Variants in SLC26A7 observed in about 807,000 individuals in gnomAD.
SLC26A7 encodes solute carrier family 26 member 7.
A neutral mutation model predicts 82.5 loss-of-function variants in SLC26A7; 59 were observed. That is an observed-to-expected ratio of 0.72 (90% CI 0.58 to 0.89). The LOEUF (loss-of-function observed/expected upper bound fraction) is 0.89. Ranked by LOEUF, SLC26A7 falls within the 40% of genes least tolerant of loss-of-function variation. The probability of loss-of-function intolerance (pLI) is 0.00; values close to 1 mark genes in which losing one functional copy is unlikely to be tolerated. For missense variants in SLC26A7, 820 were observed against 793.0 expected (o/e 1.03, Z -0.41); for synonymous variants, 271 against 274.3 (o/e 0.99, Z 0.12).
At chr8:91,218,650 G>A (rs1469117956) in intron 1 of SLC26A7, among the ~76,000 whole-genome samples, 1 of 152,144 alleles carries the variant, frequency 6.6e-6, no homozygotes, top group Non-Finnish European at 1.5e-5. Flanking sequence ...ATAATGATAT[G>A]TTTGAATAAA....
chr8:91,236,894 A>G (rs917982746), intron 2 of SLC26A7, among the ~76,000 whole-genome samples: 1 of 152,188 alleles, frequency 6.6e-6, no homozygotes. Flanking sequence ...TTATCACCAC[A>G]CTAATGTCTA....
At chr8:91,388,147 T>A (rs2130903214) in intron 15 of SLC26A7, among the ~76,000 whole-genome samples, 1 of 152,374 alleles carries the variant, frequency 6.6e-6, no homozygotes, top group Admixed American at 6.5e-5. Flanking sequence ...TTGTTTTTTT[T>A]AGAGACGGAG....
At chr8:91,252,068 A>G (rs984219698) in intron 2 of SLC26A7, among the ~76,000 whole-genome samples, 6 of 152,168 alleles carry the variant, frequency 3.9e-5, no homozygotes. Flanking sequence ...TCTAAGGAAA[A>G]TTAGAAGAAA....
intron 2 of SLC26A7, among the ~76,000 whole-genome samples, chr8:91,281,630 G>A (rs1811576426): frequency 6.6e-6 from 1 of 152,150 alleles, no homozygotes; most frequent in African/African-American, 2.4e-5. Flanking sequence ...ATTCTTATAG[G>A]ATGTGAAAGT....
intron 6 of SLC26A7, 127 bp from the exon 7 acceptor site, chr8:91,338,023 G>A: frequency 2.0e-6 from 1 of 503,676 alleles, no homozygotes; most frequent in Non-Finnish European, 3.3e-6. Context: ...GAAAGTCTGT[G>A]CAACTGCTAG....
In SLC26A7 at chr8:91,322,163, G is replaced by A. The variant is rs111889550; in HGVS notation, c.642+3783G>A. Among the ~76,000 whole-genome samples, 225 of 152,176 alleles carry A rather than the reference G, an allele frequency of 1.5e-3. 2 individuals are homozygous for A. The highest frequency in any genetic ancestry group is 5.3e-3 in the African/African-American group (222 of 41,542). Reference sequence around the variant, plus strand: ...ACTTATGTGTATTTTAATGACTTTAGAATGGCTTGAAAATTTATAAAACCT... The same window carrying A: ...ACTTATGTGTATTTTAATGACTTTAAAATGGCTTGAAAATTTATAAAACCT... On this transcript the variant is annotated intron_variant, in intron 5 of 18. Coordinates refer to ENST00000276609, the MANE Select transcript of SLC26A7 (RefSeq NM_052832.4).
At position 91,294,340 on chromosome 8, in the gene SLC26A7, T is replaced by A. The variant is rs187332030; in HGVS notation, c.305-1191T>A. 2.5e-3 allele frequency among the ~76,000 whole-genome samples: 387 copies of A among 152,308 alleles called. 1 individual carries two copies. Among genetic ancestry groups the A allele is most frequent in the African/African-American group, 8.9e-3 (370 of 41,568 alleles). On this transcript the variant is annotated intron_variant, in intron 3 of 18. Transcript: ENST00000276609. ...GACAAAAACATTGAGGTGACAGTTC[T>A]GGGATTTTAGGCCAGGTTTTTTGGA... is the stretch of plus-strand genomic sequence containing the variant.
rs528096965 is a variant in SLC26A7 at position 91,396,107 on chromosome 8, C to T, written c.*1010C>T. ...AGAGCTTGATGTGATTATCTTCAAA[C>T]CCACCAAACCAACAGGATAATTGAC... On this transcript the variant is annotated 3_prime_UTR_variant, in exon 19 of 19. Coordinates refer to ENST00000276609, the MANE Select transcript of SLC26A7 (RefSeq NM_052832.4). The T allele has an allele frequency of 6.6e-6, 1 of 151,942 alleles. No individual in the cohort carries two copies. Among genetic ancestry groups the T allele is most frequent in the South Asian group, 2.1e-4 (1 of 4,806 alleles). The allele number at this position is 151,942 out of a possible 1,614,324, so 9.4% of individuals were successfully genotyped here.
intron 11 of SLC26A7, among the ~76,000 whole-genome samples, chr8:91,360,121 A>G (rs756005919): frequency 1.3e-5 from 2 of 152,210 alleles, no homozygotes; most frequent in Non-Finnish European, 2.9e-5. Context: ...ACAGCTGAAC[A>G]TTGGATACAG....
rs754402742 is a variant in SLC26A7, at chr8:91,318,201, C to T, written c.478-15C>T. ...TTCATCTGAAGTTCATCTCACTTCT[C>T]CCTTCTCCTCTTAGGTGGCCATGTT... On this transcript the variant is annotated splice_polypyrimidine_tract_variant and intron_variant, in intron 4 of 18. Transcript: ENST00000276609. 5 of 1,583,584 alleles carry T rather than the reference C, an allele frequency of 3.2e-6. No homozygotes were observed. In the South Asian group the frequency reaches 3.4e-5, roughly 11 times the overall value.
intron 4 of SLC26A7, among the ~76,000 whole-genome samples, chr8:91,296,079 G>C (rs1278213247): frequency 6.6e-6 from 1 of 152,160 alleles, no homozygotes; most frequent in Non-Finnish European, 1.5e-5. Context: ...GGAAGGAGAT[G>C]TGACCAGATC....
intron 4 of SLC26A7, among the ~76,000 whole-genome samples, chr8:91,303,776 G>A (rs1348490588): frequency 6.6e-6 from 1 of 151,864 alleles, no homozygotes; most frequent in East Asian, 1.9e-4. Context: ...GAGTATAGAA[G>A]GGACACAAGA....
At chr8:91,269,822 A>G (rs1018995805) in intron 2 of SLC26A7, among the ~76,000 whole-genome samples, 2 of 151,674 alleles carry the variant, frequency 1.3e-5, no homozygotes, top group East Asian at 1.9e-4. Flanking sequence ...CATATGTTCT[A>G]TGTTTGAGCT....
chr8:91,396,458 G>T lies in SLC26A7; in HGVS notation c.*1361G>T, dbSNP rs1252555561. 2 of 151,974 alleles carry T rather than the reference G, an allele frequency of 1.3e-5. No homozygotes were observed. The highest frequency in any genetic ancestry group is 2.9e-5 in the Non-Finnish European group (2 of 67,884). The allele number at this position is 151,974 out of a possible 1,614,324, so 9.4% of individuals were successfully genotyped here. ...TCTATAAAAGTAAATTCTAGTGCCT[G>T]CCAAGTGATGGATTATAATGGTCTC... is the stretch of plus-strand genomic sequence containing the variant. On this transcript the variant is annotated 3_prime_UTR_variant, in exon 19 of 19. Coordinates refer to ENST00000276609, the MANE Select transcript of SLC26A7 (RefSeq NM_052832.4).
Position 91,325,416 on chromosome 8 carries a change from C to T in SLC26A7, c.642+7036C>T, listed in dbSNP as rs141284457. Among the ~76,000 whole-genome samples the T allele has an allele frequency of 4.6e-3, 697 of 152,272 alleles. 7 individuals carry two copies. The highest frequency in any genetic ancestry group is 0.016 in the African/African-American group (668 of 41,550). On this transcript the variant is annotated intron_variant, in intron 5 of 18. Transcript: ENST00000276609. The stretch of plus-strand genomic sequence containing the variant: ...TGATAGGGAAAATATGAAAATTCCT[C>T]TCCCTTCAGGAACGGAGGGTGAAGG...
chr8:91,365,765 C>T (rs1401243215), intron 13 of SLC26A7, among the ~76,000 whole-genome samples: 1 of 152,184 alleles, frequency 6.6e-6, no homozygotes, highest in Non-Finnish European at 1.5e-5. Flanking sequence ...CTTCTATCCT[C>T]TGTCTGTATG....
chr8:91,282,813 C>T (rs1811609828), intron 2 of SLC26A7, among the ~76,000 whole-genome samples: 1 of 152,210 alleles, frequency 6.6e-6, no homozygotes, highest in Non-Finnish European at 1.5e-5. Context: ...AATGGCTTTA[C>T]ATTCCAGGTG....
At chr8:91,370,226 T>C (rs187036946) in intron 15 of SLC26A7, among the ~76,000 whole-genome samples, 242 of 151,522 alleles carry the variant, frequency 1.6e-3, no homozygotes, top group African/African-American at 5.7e-3. Context: ...CTTTTCTTCC[T>C]TTTTCTCTTT....
At chr8:91,327,627 G>A (rs571698559) in intron 5 of SLC26A7, among the ~76,000 whole-genome samples, 22 of 152,286 alleles carry the variant, frequency 1.4e-4, no homozygotes, top group African/African-American at 4.6e-4. Flanking sequence ...TGTGGTTGAT[G>A]ACTGACTCAA....
Sources: gnomAD v4.1 joint callset for allele counts (sites outside exome capture counted in the v4.1 genomes callset) on GRCh38, gnomAD v4.1.1 for gene constraint, MANE v1.5 for transcripts, NCBI Gene and HGNC (gene_info 2026-07-23, HGNC 2026-07-21) for gene names.